CSMD1: variants seen among roughly 807,000 people sequenced by gnomAD.
CSMD1 encodes the protein CUB and sushi domain-containing protein 1.
A neutral mutation model predicts 417.5 loss-of-function variants in CSMD1; 213 were observed. That is an observed-to-expected ratio of 0.51 (90% confidence interval 0.46 to 0.57). CSMD1 has a LOEUF of 0.57. CSMD1 is among the 20% of genes least tolerant of loss of function. The pLI is 0.00. For missense variants in CSMD1, 6,923 were observed against 4,529.7 expected (o/e 1.53, Z -15.17); for synonymous variants, 2,862 against 1,736.8 (o/e 1.65, Z -16.11).
intron 7 of CSMD1, among the ~76,000 whole-genome samples, chr8:3,652,808 C>A (rs1245349701): frequency 6.6e-6 from 1 of 152,086 alleles, no homozygotes; most frequent in Non-Finnish European, 1.5e-5. Context: ...AATATAAAGT[C>A]CTGGGGGCAA....
chr8:3,881,641 A>G (rs1462597056), intron 5 of CSMD1, among the ~76,000 whole-genome samples: 8 of 151,656 alleles, frequency 5.3e-5, no homozygotes, highest in African/African-American at 1.9e-4. Context: ...AAAACAAACA[A>G]ACAAACAAAA....
intron 3 of CSMD1, among the ~76,000 whole-genome samples, chr8:4,371,544 AT>A (rs1802397914): frequency 6.6e-6 from 1 of 152,158 alleles, no homozygotes; most frequent in East Asian, 1.9e-4. Context: ...ATCGTTATAA[AT>A]TTTTTAAAGC....
At chr8:4,954,628 C>A (rs1209470680) in intron 1 of CSMD1, among the ~76,000 whole-genome samples, 1 of 152,088 alleles carries the variant, frequency 6.6e-6, no homozygotes, top group Non-Finnish European at 1.5e-5. Flanking sequence ...AAAATAAAAT[C>A]CTACCAAAAG....
At chr8:4,018,550 G>A (rs1444050924) in intron 4 of CSMD1, among the ~76,000 whole-genome samples, 1 of 152,178 alleles carries the variant, frequency 6.6e-6, no homozygotes, top group South Asian at 2.1e-4. Context: ...CCAGTTACCT[G>A]CTTTGATGAG....
At chr8:2,985,754 G>T (rs958414944) in intron 54 of CSMD1, among the ~76,000 whole-genome samples, 5 of 152,164 alleles carry the variant, frequency 3.3e-5, no homozygotes, top group African/African-American at 1.2e-4. Context: ...GCCTTAAGAA[G>T]TTGCTTTGTC....
At position 4,580,327 on chromosome 8, in the gene CSMD1, C is replaced by T. The variant is rs1298262582; in HGVS notation, c.302+57015G>A. Among the ~76,000 whole-genome samples, 3 of 152,190 alleles carry T rather than the reference C, an allele frequency of 2.0e-5. No individual in the cohort carries two copies. In the East Asian group the frequency reaches 5.8e-4, roughly 29 times the overall value. ...TATTTCCAGGAAGGTACATGAAAGA[C>T]ATGAGCCCTGTATCATATATCTTTT... On this transcript the variant is annotated intron_variant, in intron 2 of 69. Coordinates refer to ENST00000635120, the MANE Select transcript of CSMD1 (RefSeq NM_033225.6).
intron 5 of CSMD1, among the ~76,000 whole-genome samples, chr8:3,861,676 G>A (rs979759456): frequency 6.6e-6 from 1 of 152,190 alleles, no homozygotes; most frequent in East Asian, 1.9e-4. Context: ...TGGAGGTCCA[G>A]AGAATAGGGT....
chr8:4,052,952 T>C (rs1482932912), intron 3 of CSMD1, among the ~76,000 whole-genome samples: 1 of 151,948 alleles, frequency 6.6e-6, no homozygotes, highest in Non-Finnish European at 1.5e-5. Flanking sequence ...GTCTGAGAGG[T>C]ATAAATGGAC....
chr8:4,206,582 T>C (rs1309645418), intron 3 of CSMD1, among the ~76,000 whole-genome samples: 1 of 152,194 alleles, frequency 6.6e-6, no homozygotes, highest in Non-Finnish European at 1.5e-5. Context: ...ATCCAGTCTA[T>C]CATTGATGGA....
intron 12 of CSMD1, among the ~76,000 whole-genome samples, chr8:3,413,357 C>T (rs1474541603): frequency 1.3e-5 from 2 of 152,130 alleles, no homozygotes; most frequent in Non-Finnish European, 1.5e-5. Flanking sequence ...GCTTTCCATG[C>T]TGAGGATCAA....
At chr8:3,744,295 G>A (rs765294875) in intron 6 of CSMD1, among the ~76,000 whole-genome samples, 26 of 152,078 alleles carry the variant, frequency 1.7e-4, no homozygotes, top group Non-Finnish European at 2.6e-4. Context: ...AAGGCGGATG[G>A]GGACACAGCA....
intron 1 of CSMD1, among the ~76,000 whole-genome samples, chr8:4,746,284 G>T (rs1033798304): frequency 6.6e-6 from 1 of 152,302 alleles, no homozygotes; most frequent in South Asian, 2.1e-4. Context: ...CGTACTTAGA[G>T]CCTGGTGCCC....
intron 26 of CSMD1, among the ~76,000 whole-genome samples, chr8:3,233,119 C>T (rs1217162117): frequency 6.6e-6 from 1 of 151,214 alleles, no homozygotes. Context: ...TTTATTTGGC[C>T]TAATTTTTCT....
chr8:3,995,553 T>G (rs772297386), intron 5 of CSMD1, among the ~76,000 whole-genome samples: 1 of 152,154 alleles, frequency 6.6e-6, no homozygotes, highest in African/African-American at 2.4e-5. Flanking sequence ...GGGCTATACA[T>G]AGAGAGAAGA....
intron 1 of CSMD1, among the ~76,000 whole-genome samples, chr8:4,653,109 C>G (rs1480042233): frequency 6.6e-6 from 1 of 152,080 alleles, no homozygotes; most frequent in Non-Finnish European, 1.5e-5. Context: ...CTCCTTGTCT[C>G]TTTCCCAGCC....
chr8:3,603,763 G>A (rs932008900), intron 8 of CSMD1, among the ~76,000 whole-genome samples: 5 of 152,178 alleles, frequency 3.3e-5, no homozygotes, highest in African/African-American at 1.2e-4. Flanking sequence ...CTTTACAAAT[G>A]TTTCATCTAT....
At chr8:4,862,349 C>G (rs1044205734) in intron 1 of CSMD1, among the ~76,000 whole-genome samples, 1 of 152,154 alleles carries the variant, frequency 6.6e-6, no homozygotes. Context: ...GGGCTTTGCA[C>G]AGATGGAGAA....
intron 1 of CSMD1, among the ~76,000 whole-genome samples, chr8:4,666,596 G>C (rs1462426320): frequency 1.3e-5 from 2 of 152,134 alleles, no homozygotes; most frequent in African/African-American, 4.8e-5. Flanking sequence ...AATTTATGCT[G>C]TTTCAAACCA....
At chr8:4,925,788 C>A (rs936011812) in intron 1 of CSMD1, among the ~76,000 whole-genome samples, 7 of 152,118 alleles carry the variant, frequency 4.6e-5, no homozygotes, top group African/African-American at 1.7e-4. Flanking sequence ...ACCTCGTGAT[C>A]CGCCCTCCTC....
Sources: allele counts gnomAD v4.1 joint callset (sites outside exome capture counted in the v4.1 genomes callset), GRCh38; gene constraint gnomAD v4.1.1; transcripts MANE v1.5; gene names NCBI Gene and HGNC (gene_info 2026-07-23, HGNC 2026-07-21).